Variants in SLC36A2 observed in about 807,000 individuals in gnomAD.
SLC36A2 encodes the protein proton-coupled amino acid transporter 2.
A neutral mutation model predicts 42.7 loss-of-function variants in SLC36A2; 39 were observed. The ratio of observed to expected loss-of-function variants is 0.91; its 90% CI spans 0.71 to 1.19. The LOEUF (loss-of-function observed/expected upper bound fraction) is 1.19. Among genes scored for constraint, SLC36A2 ranks in the 50% most tolerant of loss-of-function variants. The pLI is 0.00. For missense variants in SLC36A2, 590 were observed against 613.7 expected, an observed-to-expected ratio of 0.96 and a Z score of 0.41; for synonymous variants, 237 against 240.8, an observed-to-expected ratio of 0.98 and a Z score of 0.15.
chr5:151,331,719 C>G (rs759436504), intron 7 of SLC36A2, among the ~76,000 whole-genome samples: 2 of 152,116 alleles, frequency 1.3e-5, no homozygotes, highest in Non-Finnish European at 2.9e-5. Context: ...AACTTTTGTG[C>G]ATCACAGTTC....
chr5:151,324,272 A>G (rs951507993), intron 8 of SLC36A2, among the ~76,000 whole-genome samples: 1 of 152,122 alleles, frequency 6.6e-6, no homozygotes, highest in Non-Finnish European at 1.5e-5. Context: ...CCTCCTGAGT[A>G]GCTGAGACTA....
At chr5:151,336,485 A>G (rs1366508693) in intron 5 of SLC36A2, among the ~76,000 whole-genome samples, 1 of 97,716 alleles carries the variant, frequency 1.0e-5, no homozygotes, top group Admixed American at 1.2e-4. Context: ...TTTTTTGCGT[A>G]TAATAAAAAA....
chr5:151,317,206 C>G, intron 9 of SLC36A2, 118 bp from the exon 10 acceptor site: 1 of 1,323,658 alleles, frequency 7.6e-7, no homozygotes, highest in Non-Finnish European at 1.0e-6. Context: ...AATCCCAGCA[C>G]TTTGGGAGGC....
chr5:151,320,032 T>G (rs1755637277), intron 9 of SLC36A2, among the ~76,000 whole-genome samples: 1 of 152,228 alleles, frequency 6.6e-6, no homozygotes, highest in Non-Finnish European at 1.5e-5. Context: ...TTCCCATGCC[T>G]ATTAGCTGAA....
chr5:151,317,723 C>T (rs996721592), intron 9 of SLC36A2, among the ~76,000 whole-genome samples: 1 of 152,154 alleles, frequency 6.6e-6, no homozygotes, highest in African/African-American at 2.4e-5. Context: ...TGGTGAGTCT[C>T]TGTCTAATTG....
At chr5:151,318,254 T>G (rs939057403) in intron 9 of SLC36A2, among the ~76,000 whole-genome samples, 1 of 151,964 alleles carries the variant, frequency 6.6e-6, no homozygotes, top group South Asian at 2.1e-4. Flanking sequence ...ACTTAAGCTC[T>G]TACTTAATAA....
chr5:151,321,662 C>T (rs1332361615), intron 9 of SLC36A2, among the ~76,000 whole-genome samples: 1 of 150,416 alleles, frequency 6.6e-6, no homozygotes, highest in African/African-American at 2.4e-5. Flanking sequence ...CATGACTGCC[C>T]TCTACCATCT....
intron 9 of SLC36A2, among the ~76,000 whole-genome samples, chr5:151,318,448 T>A (rs1755572248): frequency 6.9e-6 from 1 of 145,770 alleles, no homozygotes; most frequent in East Asian, 1.9e-4. Context: ...AATACAAATT[T>A]ATTATTTATT....
rs1203207538 is a variant in SLC36A2 at position 151,343,520 on chromosome 5, A to G, written c.334T>C (p.Phe112Leu). ...MHILVKCAQRFCKRLNKPFMD... is the reference protein window; with the variant it reads ...MHILVKCAQRLCKRLNKPFMD... ...GGCTGTTTTCCTCACCTCTTACAGA[A>G]GCGCTGGGCACACTTGACCAGGATG... The change falls in exon 3 of 10, where the codon TTC (phenylalanine) becomes CTC (leucine). Residue 112 changes from phenylalanine to leucine, a missense_variant. Coordinates refer to ENST00000335244, the MANE Select transcript of SLC36A2 (RefSeq NM_181776.3). 6.2e-7 allele frequency: 1 copy of G among 1,614,208 alleles called. No homozygotes were observed. Among genetic ancestry groups the G allele is most frequent in the Non-Finnish European group, 8.5e-7 (1 of 1,180,034 alleles).
intron 7 of SLC36A2, among the ~76,000 whole-genome samples, chr5:151,326,706 C>T (rs1241134016): frequency 6.6e-6 from 1 of 152,168 alleles, no homozygotes; most frequent in Non-Finnish European, 1.5e-5. Context: ...TGGAGACCAC[C>T]CCCACCTTCT....
At chr5:151,340,085 G>C (rs1756278856) in intron 4 of SLC36A2, among the ~76,000 whole-genome samples, 2 of 151,070 alleles carry the variant, frequency 1.3e-5, no homozygotes, top group Non-Finnish European at 3.0e-5. Flanking sequence ...GAAAAAGGAG[G>C]AGAGGAAAAA....
intron 7 of SLC36A2, among the ~76,000 whole-genome samples, chr5:151,331,190 GAA>G (rs968059604): frequency 2.6e-5 from 4 of 152,254 alleles, no homozygotes; most frequent in African/African-American, 9.6e-5. Context: ...AAAATTAACT[GAA>G]AATGGATAAA....
Position 151,316,703 on chromosome 5 carries a change from G to A in SLC36A2, c.*114C>T. 7.8e-7 allele frequency: 1 copy of A among 1,282,198 alleles called. No individual in the cohort carries two copies. The highest frequency in any genetic ancestry group is 1.0e-6 in the Non-Finnish European group (1 of 955,430). The allele number at this position is 1,282,198 out of a possible 1,614,324, so 79.4% of individuals were successfully genotyped here. Reference sequence around the variant, plus strand: ...TGTGGTGAGCTGAGATCGCATCATTGTACTCCAGTCTGGGCAACAAGACAG... The same window carrying A: ...TGTGGTGAGCTGAGATCGCATCATTATACTCCAGTCTGGGCAACAAGACAG... On this transcript the variant is annotated 3_prime_UTR_variant, in exon 10 of 10. Coordinates refer to ENST00000335244, the MANE Select transcript of SLC36A2 (RefSeq NM_181776.3).
intron 9 of SLC36A2, among the ~76,000 whole-genome samples, chr5:151,317,305 A>G (rs1030249786): frequency 6.6e-6 from 1 of 152,012 alleles, no homozygotes; most frequent in African/African-American, 2.4e-5. Flanking sequence ...TACAAAAATC[A>G]GCCGGGTGTG....
chr5:151,332,556 G>C (rs927527771), intron 7 of SLC36A2: 5 of 403,196 alleles, frequency 1.2e-5, no homozygotes, highest in Admixed American at 3.1e-5. Flanking sequence ...TTATTGATGT[G>C]TGCAACAGCA....
chr5:151,347,223 C>T, intron 1 of SLC36A2, 74 bp downstream of exon 1: 1 of 1,575,128 alleles, frequency 6.3e-7, no homozygotes, highest in Non-Finnish European at 8.7e-7. Context: ...TCAGACACAC[C>T]CACCTCAGGG....
intron 5 of SLC36A2, chr5:151,338,463 C>T (rs1201840299): frequency 6.5e-6 from 1 of 152,950 alleles, no homozygotes; most frequent in Non-Finnish European, 1.5e-5. Context: ...CACTTGAGCC[C>T]TGGAGTTTGA....
At chr5:151,344,044 C>T (rs1580866710) in intron 2 of SLC36A2, 133 bp downstream of exon 2, 2 of 831,564 alleles carry the variant, frequency 2.4e-6, no homozygotes, top group East Asian at 2.7e-5. Context: ...GGCTAGATGT[C>T]TAGACCCTAA....
intron 8 of SLC36A2, among the ~76,000 whole-genome samples, chr5:151,324,317 A>ATTTG (rs1755790501): frequency 1.7e-5 from 2 of 119,326 alleles, no homozygotes; most frequent in South Asian, 4.4e-4. Context: ...TTATTTATTT[A>ATTTG]TTTATTTATT....
Sources: gnomAD v4.1 joint callset for allele counts (sites outside exome capture counted in the v4.1 genomes callset) on GRCh38, gnomAD v4.1.1 for gene constraint, MANE v1.5 for transcripts, NCBI Gene and HGNC (gene_info 2026-07-23, HGNC 2026-07-21) for gene names.